The following EI24 variants were observed in gnomAD, a reference collection of about 807,000 sequenced individuals.
EI24 encodes EI24 autophagy associated transmembrane protein.
In EI24, 21 loss-of-function variants were observed where a neutral mutation model predicts 48.6. The observed-to-expected ratio is 0.43, with a 90% CI of 0.31 to 0.62. The LOEUF (loss-of-function observed/expected upper bound fraction) is 0.62, where lower values mean the gene tolerates loss of function less well. Ranked by LOEUF, EI24 falls within the 20% of genes least tolerant of loss-of-function variation. The pLI is 0.10. For missense variants in EI24, 280 were observed against 410.5 expected (o/e 0.68, Z 2.75); for synonymous variants, 114 against 145.5 (o/e 0.78, Z 1.56).
intron 7 of EI24, among the ~76,000 whole-genome samples, 188 bp downstream of exon 7, chr11:125,579,256 A>G (rs1412556301): frequency 2.6e-5 from 4 of 152,160 alleles, no homozygotes; most frequent in African/African-American, 9.7e-5. Context: ...TTATAAAATT[A>G]TAAGAAACAT....
At chr11:125,579,530 G>A (rs1416669668) in intron 7 of EI24, among the ~76,000 whole-genome samples, 1 of 152,032 alleles carries the variant, frequency 6.6e-6, no homozygotes, top group African/African-American at 2.4e-5. Flanking sequence ...GCTGCGCGTG[G>A]TGGCAACATG....
Position 125,569,555 on chromosome 11 carries a change from C to T in EI24, c.-89C>T. ...GGTGGGCTAGGGGCAGGGCCGGAGC[C>T]GCGGCGGCGGAGCTGTGGGTAGGTG... On this transcript the variant is annotated 5_prime_UTR_variant, in exon 1 of 11. Transcript: ENST00000278903. The T allele has an allele frequency of 2.7e-6, 1 of 372,476 alleles. No individual in the cohort carries two copies. Among genetic ancestry groups the T allele is most frequent in the African/African-American group, 2.1e-5 (1 of 47,586 alleles). The allele number at this position is 372,476 out of a possible 1,614,324, so 23.1% of individuals were successfully genotyped here. A position where few individuals can be genotyped will look rare whatever the true frequency, so the allele number is the denominator to read the frequency against.
chr11:125,582,027 A>G (rs1939025832), intron 9 of EI24, among the ~76,000 whole-genome samples: 1 of 151,746 alleles, frequency 6.6e-6, no homozygotes, highest in East Asian at 2.0e-4. Flanking sequence ...GTGAAATCCC[A>G]TCTCTACTGA....
rs778469415 is a variant in EI24, at chr11:125,580,077, C to T, written c.562-16C>T. On this transcript the variant is annotated splice_polypyrimidine_tract_variant and intron_variant, in intron 7 of 10. Transcript: ENST00000278903. ...CCGAGGCTTTGGGATTAAGATTTTC[C>T]ATATTTGTTCTTCAGGGAATGTTTG... is the stretch of plus-strand genomic sequence containing the variant. The T allele has an allele frequency of 5.6e-6, 9 of 1,595,632 alleles. No homozygotes were observed. Among genetic ancestry groups the T allele is most frequent in the Non-Finnish European group, 7.7e-6 (9 of 1,163,190 alleles).
chr11:125,573,751 G>A (rs1015731596), intron 2 of EI24, among the ~76,000 whole-genome samples: 14 of 126,414 alleles, frequency 1.1e-4, no homozygotes, highest in Non-Finnish European at 1.5e-4. Flanking sequence ...GTGCAATCTC[G>A]GCTCACTGCA....
Position 125,572,491 on chromosome 11 carries a change from C to G in EI24, c.-37C>G. The G allele has an allele frequency of 6.2e-7, 1 of 1,606,036 alleles. No individual in the cohort carries two copies. Among genetic ancestry groups the G allele is most frequent in the South Asian group, 1.1e-5 (1 of 90,690 alleles). On this transcript the variant is annotated 5_prime_UTR_variant, in exon 2 of 11. Transcript: ENST00000278903. ...TGATGAGAGATTTGGGGACACTTCT[C>G]TCTCCTGTGTGTAGTTGATAGTTTG...
intron 9 of EI24, among the ~76,000 whole-genome samples, chr11:125,581,610 A>T (rs569239345): frequency 8.4e-6 from 1 of 119,394 alleles, no homozygotes; most frequent in East Asian, 2.8e-4. Flanking sequence ...GCAGTGGTGT[A>T]ATCTCAGCTC....
chr11:125,575,958 T>G, intron 3 of EI24: 1 of 384,206 alleles, frequency 2.6e-6, no homozygotes, highest in South Asian at 2.2e-5. Context: ...CTGGCTAATT[T>G]TTTATATTCT....
chr11:125,575,393 A>C lies in EI24; in HGVS notation c.173A>C (p.Glu58Ala). 1 of 1,593,146 alleles carries C rather than the reference A, an allele frequency of 6.3e-7. No individual in the cohort carries two copies. The change falls in exon 3 of 11, where the codon GAG (glutamate) becomes GCG (alanine). Residue 58 changes from glutamate (E) to alanine (A), a missense_variant. Glu to Ala is a moderately radical substitution (Grantham distance 107, BLOSUM62 -1). Around this residue, in one of 3 missense-constraint regions of EI24, gnomAD observed 204 missense variants for 294.1 expected, o/e 0.69. Coordinates refer to ENST00000278903, the MANE Select transcript of EI24 (RefSeq NM_004879.5). ...VLAQRRAQSI[E>A]RKQESEPRIV... ...GCACAGAGAAGAGCCCAGAGTATAGAGCGGAAGCAAGAGAGGTAAGGAGTG... is the reference window on the plus strand; with the variant it reads ...GCACAGAGAAGAGCCCAGAGTATAGCGCGGAAGCAAGAGAGGTAAGGAGTG...
chr11:125,570,006 A>T (rs1459127153), intron 1 of EI24: 1 of 153,584 alleles, frequency 6.5e-6, no homozygotes, highest in Non-Finnish European at 1.4e-5. Flanking sequence ...CTGTTTGCCG[A>T]GACTTGGGTT....
At chr11:125,582,258 C>T (rs1939042543) in intron 9 of EI24, 88 bp from the exon 10 acceptor site, 4 of 1,235,000 alleles carry the variant, frequency 3.2e-6, no homozygotes, top group African/African-American at 1.6e-5. Flanking sequence ...ACACTGGAAG[C>T]AAAAGAACTT....
intron 3 of EI24, chr11:125,575,784 A>AT (rs61493355): frequency 0.85 from 158,818 of 186,796 alleles, 68,524 homozygotes; most frequent in African/African-American, 0.92. Context: ...ATATATACAC[A>AT]TTTTTTTTTT....
Position 125,576,828 on chromosome 11 carries a change from T to C in EI24, c.249+513T>C, listed in dbSNP as rs150751122. Reference sequence around the variant, plus strand: ...ATAAATATTTCCTTTGACTTAGAATTTAGAGTAATTCATCACTTCTTAATC... The same window carrying C: ...ATAAATATTTCCTTTGACTTAGAATCTAGAGTAATTCATCACTTCTTAATC... On this transcript the variant is annotated intron_variant, in intron 4 of 10. Coordinates refer to ENST00000278903, the MANE Select transcript of EI24 (RefSeq NM_004879.5). Among the ~76,000 whole-genome samples the C allele has an allele frequency of 6.5e-3, 994 of 152,326 alleles. 7 individuals carry two copies. Among genetic ancestry groups the C allele is most frequent in the African/African-American group, 0.022 (915 of 41,576 alleles).
intron 2 of EI24, among the ~76,000 whole-genome samples, chr11:125,573,142 G>T (rs1159939264): frequency 6.6e-6 from 1 of 151,978 alleles, no homozygotes; most frequent in African/African-American, 2.4e-5. Flanking sequence ...CTGGGCTCAA[G>T]TGATCCACCC....
intron 4 of EI24, 90 bp downstream of exon 4, chr11:125,576,405 C>A: frequency 8.5e-7 from 1 of 1,177,096 alleles, no homozygotes; most frequent in Non-Finnish European, 1.2e-6. Context: ...AACACTGAGA[C>A]AAATAGTTTT....
In EI24 at chr11:125,572,556, A is replaced by G. The variant is rs377285559; in HGVS notation, c.29A>G (p.Gln10Arg). 3.7e-6 allele frequency: 6 copies of G among 1,612,954 alleles called. No homozygotes were observed. The highest frequency in any genetic ancestry group is 1.3e-5 in the African/African-American group (1 of 74,678). Residue 10 changes from glutamine to arginine, a missense_variant, in exon 2 of 11, where the codon CAG (glutamine) becomes CGG (arginine). Transcript: ENST00000278903. ...GCTGACAGTGTCAAAACCTTTCTCCAGGACCTTGCCAGAGTGAGTACATCT... is the reference window on the plus strand; with the variant it reads ...GCTGACAGTGTCAAAACCTTTCTCCGGGACCTTGCCAGAGTGAGTACATCT... MADSVKTFL[Q>R]DLARGIKDSI...
In EI24 at chr11:125,583,711, G is replaced by C. The variant is rs775228617; in HGVS notation, c.*28G>C. On this transcript the variant is annotated 3_prime_UTR_variant, in exon 11 of 11. Transcript: ENST00000278903. ...TGCCTGCCATCCAAAGGGGATGGGC[G>C]GGATTGGAAGAAGCTGTGGCAGCTC... is the stretch of plus-strand genomic sequence containing the variant. 1 of 1,602,374 alleles carries C rather than the reference G, an allele frequency of 6.2e-7. No homozygotes were observed. The highest frequency in any genetic ancestry group is 8.5e-7 in the Non-Finnish European group (1 of 1,174,370).
intron 8 of EI24, 134 bp from the exon 9 acceptor site, chr11:125,581,077 A>AAATAATAATAATAATAATAAT (rs145007951): frequency 2.1e-4 from 40 of 193,384 alleles, no homozygotes; most frequent in African/African-American, 4.2e-4. Context: ...ACTCCATCTC[A>AAATAATAATAATAATAATAAT]AATAATAATA....
rs373537623 is a variant in EI24 at position 125,583,598 on chromosome 11, C to T, written c.938C>T (p.Ser313Leu). Residue 313 changes from serine to leucine, a missense_variant, in exon 11 of 11, where the codon TCG becomes TTG. By Grantham distance (145) the Ser-to-Leu change is moderately radical. This residue lies in a region of EI24 where 62 missense variants were observed against 65.1 expected (regional missense o/e 0.95). Transcript: ENST00000278903. ...TTCCACAAGACAGTCTACCTGCAGT[C>T]GGCCCTGAGCAGCTCTACTTCTGCA... ...RLFHKTVYLQ[S>L]ALSSSTSAEK... The T allele has an allele frequency of 2.0e-5, 33 of 1,612,736 alleles. No individual in the cohort carries two copies. Among genetic ancestry groups the T allele is most frequent in the Non-Finnish European group, 2.6e-5 (31 of 1,179,696 alleles).
Sources: gnomAD v4.1 joint callset for allele counts (sites outside exome capture counted in the v4.1 genomes callset) on GRCh38, gnomAD v4.1.1 for gene constraint, gnomAD v4.1.1 regional missense constraint, MANE v1.5 for transcripts, NCBI Gene and HGNC (gene_info 2026-07-23, HGNC 2026-07-21) for gene names.